The following DNAH17 variants were observed in gnomAD, a reference collection of about 807,000 sequenced individuals.
DNAH17 encodes axonemal beta dynein heavy chain 17.
In DNAH17, 376 loss-of-function variants were observed where a neutral mutation model predicts 485.6. That is an observed-to-expected ratio of 0.77 (90% confidence interval 0.71 to 0.84). The LOEUF (loss-of-function observed/expected upper bound fraction) is 0.84. DNAH17 is among the 40% of genes least tolerant of loss of function. DNAH17 has a pLI of 0.00. For missense variants in DNAH17, 6,370 were observed against 5,839.3 expected, an observed-to-expected ratio of 1.09 and a Z score of -2.96; for synonymous variants, 3,031 against 2,405.9, an observed-to-expected ratio of 1.26 and a Z score of -7.60.
intron 14 of DNAH17, among the ~76,000 whole-genome samples, chr17:78,555,782 C>T (rs150952798): frequency 3.3e-5 from 5 of 152,232 alleles, no homozygotes; most frequent in Admixed American, 6.5e-5. Flanking sequence ...AGCAGATAGC[C>T]CTCCCCAGTG....
At position 78,437,786 on chromosome 17, in the gene DNAH17, C is replaced by T. The variant is rs1396934798; in HGVS notation, c.11888G>A (p.Arg3963Gln). 5.6e-6 allele frequency: 9 copies of T among 1,612,574 alleles called. No homozygotes were observed. The highest frequency in any genetic ancestry group is 6.8e-6 in the Non-Finnish European group (8 of 1,179,774). ...GGCAGGCTCCGCGCTGATGAACACC[C>T]GGTAGTCCTCATGGCTGCCCGTGCT... Reference protein sequence around the residue: ...HYSTGSHEDYRVFISAEPAPS... With the variant: ...HYSTGSHEDYQVFISAEPAPS... Residue 3963 changes from arginine to glutamine, a missense_variant, in exon 74 of 81, where the codon CGG becomes CAG. Arg to Gln is a conservative substitution (Grantham distance 43). Coordinates refer to ENST00000389840, the MANE Select transcript of DNAH17 (RefSeq NM_173628.4).
chr17:78,572,943 C>A, intron 2 of DNAH17, 49 bp from the exon 3 acceptor site: 1 of 1,553,706 alleles, frequency 6.4e-7, no homozygotes, highest in Non-Finnish European at 8.8e-7. Flanking sequence ...TTCACCAGCT[C>A]GGCAACCGCA....
At chr17:78,482,361 T>C (rs2089388441) in intron 48 of DNAH17, among the ~76,000 whole-genome samples, 1 of 152,210 alleles carries the variant, frequency 6.6e-6, no homozygotes, top group Admixed American at 6.5e-5. Context: ...ACTTTGTGTG[T>C]TGGAAGTTGA....
intron 22 of DNAH17, 51 bp downstream of exon 22, chr17:78,529,421 G>C (rs1295651534): frequency 6.3e-7 from 1 of 1,588,816 alleles, no homozygotes; most frequent in Non-Finnish European, 8.6e-7. Context: ...GTCGCGGCCG[G>C]GATGGCTCTC....
Position 78,468,835 on chromosome 17 carries a change from A to C in DNAH17, c.8560T>G (p.Ser2854Ala), listed in dbSNP as rs1363887914. 2.5e-6 allele frequency: 4 copies of C among 1,613,904 alleles called. No homozygotes were observed. The highest frequency in any genetic ancestry group is 1.3e-5 in the African/African-American group (1 of 74,950). The change falls in exon 55 of 81, where the codon TCG (serine) becomes GCG (alanine). Residue 2854 changes from serine (S) to alanine (A), a missense_variant. Physicochemically the swap from Ser to Ala is moderately conservative, Grantham distance 99. Transcript: ENST00000389840. ...TGGGAGTCTGTCATCAGGAACACCG[A>C]GGGAACGTTCTTCACGGCAGCCTTT... ...YIKAAVKNVP[S>A]VFLMTDSQVA...
chr17:78,480,893 C>G (rs138711615), intron 48 of DNAH17, 107 bp from the exon 49 acceptor site: 3 of 769,168 alleles, frequency 3.9e-6, no homozygotes, highest in Non-Finnish European at 6.6e-6. Context: ...TTTTTTGAGA[C>G]AGAGTCTCGC....
chr17:78,446,428 G>A (rs955197895), intron 69 of DNAH17, among the ~76,000 whole-genome samples: 4 of 151,980 alleles, frequency 2.6e-5, no homozygotes, highest in Non-Finnish European at 5.9e-5. Flanking sequence ...GACATGCCCC[G>A]TTTGCATCTG....
chr17:78,508,584 A>C (rs2090551129), intron 27 of DNAH17, among the ~76,000 whole-genome samples: 1 of 152,110 alleles, frequency 6.6e-6, no homozygotes, highest in Non-Finnish European at 1.5e-5. Flanking sequence ...CCCTAAAAGC[A>C]TAGTGAAAAT....
chr17:78,530,716 G>C (rs929786948), intron 20 of DNAH17, among the ~76,000 whole-genome samples: 1 of 152,214 alleles, frequency 6.6e-6, no homozygotes, highest in Non-Finnish European at 1.5e-5. Flanking sequence ...CCAGAGTCTA[G>C]CCCCAGAAGG....
intron 62 of DNAH17, among the ~76,000 whole-genome samples, chr17:78,457,161 A>G (rs961468474): frequency 6.6e-6 from 1 of 152,264 alleles, no homozygotes; most frequent in Non-Finnish European, 1.5e-5. Flanking sequence ...ACCTGAGGTC[A>G]GGAGTTCGAG....
rs144829842 is a variant in DNAH17, at chr17:78,568,461, TAC to T, written c.1284+703_1284+704del. ...TCCCCTTTTTTAAGGATGTGAGTTA[TAC>T]AGTTATATGTGCACAAAGTTTTTAA... On this transcript the variant is annotated intron_variant, in intron 9 of 80. Transcript: ENST00000389840. Among the ~76,000 whole-genome samples the T allele has an allele frequency of 4.0e-3, 605 of 152,306 alleles. 5 individuals are homozygous for T. Among genetic ancestry groups the T allele is most frequent in the African/African-American group, 0.014 (578 of 41,566 alleles).
chr17:78,505,511 C>T, intron 30 of DNAH17, 66 bp from the exon 31 acceptor site: 1 of 1,605,054 alleles, frequency 6.2e-7, no homozygotes, highest in Non-Finnish European at 8.5e-7. Flanking sequence ...GTGGCTTGGG[C>T]TTTCCGTGGG....
chr17:78,436,155 G>A (rs1172261357), intron 74 of DNAH17, among the ~76,000 whole-genome samples: 1 of 152,230 alleles, frequency 6.6e-6, no homozygotes, highest in East Asian at 1.9e-4. Flanking sequence ...GGCCGGGCGT[G>A]GTGGCTCACG....
At position 78,490,779 on chromosome 17, in the gene DNAH17, G is replaced by A. The variant is rs1166723032; in HGVS notation, c.6738C>T (p.Ser2246=). ...NRTMRLVFEI[S]HLRTATPATV... ...TGGCTGGGGTGGCCGTCCTCAGGTG[G>A]CTGATTTCGAACACCAGCCTCATGG... is the stretch of plus-strand genomic sequence containing the variant. Residue 2246 remains serine (S), a synonymous_variant, in exon 44 of 81, where the codon AGC becomes AGT. Coordinates refer to ENST00000389840, the MANE Select transcript of DNAH17 (RefSeq NM_173628.4). 2 of 1,604,988 alleles carry A rather than the reference G, an allele frequency of 1.2e-6. 1 individual carries two copies.
rs776191221 is a variant in DNAH17 at position 78,475,819 on chromosome 17, T to C, written c.8169A>G (p.Glu2723=). 6.2e-7 allele frequency: 1 copy of C among 1,612,302 alleles called. No individual in the cohort carries two copies. The highest frequency in any genetic ancestry group is 8.5e-7 in the Non-Finnish European group (1 of 1,179,390). The change falls in exon 53 of 81, where the codon GAA becomes GAG. Residue 2723 remains glutamate (E), a synonymous_variant. Transcript: ENST00000389840. ...TKKFFDDLGD[E]LLFAKPNIFC... is the part of the protein sequence containing the mutation. ...AGATATTTGGCTTGGCAAATAAGAG[T>C]TCATCACCAAGATCCTAGAAAAAGA...
At position 78,479,563 on chromosome 17, in the gene DNAH17, G is replaced by A. The variant is rs746057681; in HGVS notation, c.7822C>T (p.Leu2608=). The A allele has an allele frequency of 1.2e-6, 2 of 1,613,710 alleles. No individual in the cohort carries two copies. Among genetic ancestry groups the A allele is most frequent in the East Asian group, 2.2e-5 (1 of 44,880 alleles). The change falls in exon 50 of 81, where the codon CTG becomes TTG. Residue 2608 remains leucine, a synonymous_variant. Transcript: ENST00000389840. ...GAGCGGAAGGCCAGGTGCTGCGTCA[G>A]GATTGTGTTGTAGATGGTGGTGAGG... ...EALTTIYNTI[L]TQHLAFRSVS...
chr17:78,494,560 C>CT, intron 40 of DNAH17, 33 bp downstream of exon 40: 1 of 1,607,546 alleles, frequency 6.2e-7, no homozygotes. Context: ...AGGCAGGCTT[C>CT]TCCGGACAGA....
At chr17:78,530,661 G>A (rs946980457) in intron 20 of DNAH17, 149 bp from the exon 21 acceptor site, 16 of 830,862 alleles carry the variant, frequency 1.9e-5, no homozygotes, top group East Asian at 1.3e-4. Flanking sequence ...AGGGCAGTAC[G>A]GGACACATGG....
In DNAH17 at chr17:78,552,693, G is replaced by C. The variant is rs183021413; in HGVS notation, c.2287+4C>G. On this transcript the variant is annotated splice_donor_region_variant and intron_variant, in intron 15 of 80. Transcript: ENST00000389840. ...CCAATGTGGGAGGAATGTGGCCTCC[G>C]TACCTTCGCCATTCCAGAATAATGT... 19 of 1,610,390 alleles carry C rather than the reference G, an allele frequency of 1.2e-5. No individual in the cohort carries two copies. The highest frequency in any genetic ancestry group is 1.6e-5 in the Non-Finnish European group (19 of 1,176,772).
Sources: gnomAD v4.1 joint callset for allele counts (sites outside exome capture counted in the v4.1 genomes callset) on GRCh38, gnomAD v4.1.1 for gene constraint, MANE v1.5 for transcripts, NCBI Gene and HGNC (gene_info 2026-07-23, HGNC 2026-07-21) for gene names.